ARL6IP5: variants seen among roughly 807,000 people sequenced by gnomAD.
ARL6IP5 encodes the protein ARF like GTPase 6 interacting protein 5.
A neutral mutation model predicts 13.0 loss-of-function variants in ARL6IP5; 6 were observed. The observed-to-expected ratio is 0.46, with a 90% CI of 0.25 to 0.91. The LOEUF is 0.91. Among genes scored for constraint, ARL6IP5 ranks in the 40% least tolerant of loss-of-function variants. The pLI is 0.17. For missense variants in ARL6IP5, 208 were observed against 248.8 expected (o/e 0.84, Z 1.10); for synonymous variants, 91 against 91.9 (o/e 0.99, Z 0.06).
chr3:69,088,515 G>C (rs553381231), intron 1 of ARL6IP5, among the ~76,000 whole-genome samples: 4 of 152,186 alleles, frequency 2.6e-5, no homozygotes, highest in Admixed American at 1.3e-4. Flanking sequence ...ATTTCAGGAA[G>C]GGTGAGGGAA....
At chr3:69,096,597 CTTTTTTTTTTTT>C (rs11291168) in intron 1 of ARL6IP5, among the ~76,000 whole-genome samples, 5 of 69,556 alleles carry the variant, frequency 7.2e-5, no homozygotes, top group Non-Finnish European at 1.3e-4. Context: ...TTTTGCTTTG[CTTTTTTTTTTTT>C]TTTTTTTTTT....
intron 1 of ARL6IP5, among the ~76,000 whole-genome samples, chr3:69,093,122 C>T (rs777905232): frequency 6.6e-6 from 1 of 152,066 alleles, no homozygotes; most frequent in Non-Finnish European, 1.5e-5. Context: ...GTTTCTAATC[C>T]GAGTCCAACC....
At chr3:69,096,861 C>G (rs1320825920) in intron 1 of ARL6IP5, among the ~76,000 whole-genome samples, 1 of 152,008 alleles carries the variant, frequency 6.6e-6, no homozygotes, top group Non-Finnish European at 1.5e-5. Context: ...CTCAGCCTCC[C>G]AAAGTGCTGG....
At chr3:69,092,625 A>T (rs1050727141) in intron 1 of ARL6IP5, among the ~76,000 whole-genome samples, 3 of 152,012 alleles carry the variant, frequency 2.0e-5, no homozygotes, top group Admixed American at 6.5e-5. Flanking sequence ...ACGCACAACT[A>T]TGCCTGGCTA....
intron 1 of ARL6IP5, among the ~76,000 whole-genome samples, chr3:69,096,027 G>A (rs2092285883): frequency 6.6e-6 from 1 of 152,148 alleles, no homozygotes; most frequent in Admixed American, 6.5e-5. Flanking sequence ...GGGTGTGTGT[G>A]TGTGTGTCTG....
At chr3:69,101,473 C>T (rs1424582167) in intron 1 of ARL6IP5, among the ~76,000 whole-genome samples, 1 of 151,778 alleles carries the variant, frequency 6.6e-6, no homozygotes, top group African/African-American at 2.4e-5. Context: ...CAGGTGTGTG[C>T]CACCACACCT....
chr3:69,087,560 G>C (rs777813889), intron 1 of ARL6IP5, among the ~76,000 whole-genome samples: 8 of 152,058 alleles, frequency 5.3e-5, no homozygotes, highest in Non-Finnish European at 8.8e-5. Context: ...TGCTGCTTTT[G>C]ATAGAATCCA....
intron 1 of ARL6IP5, among the ~76,000 whole-genome samples, chr3:69,101,553 T>C (rs760449604): frequency 8.6e-5 from 13 of 151,972 alleles, no homozygotes; most frequent in Non-Finnish European, 1.5e-4. Context: ...ACCCCTGGGC[T>C]CAAGTGATCC....
chr3:69,090,189 C>G (rs955427558), intron 1 of ARL6IP5, among the ~76,000 whole-genome samples: 1 of 152,168 alleles, frequency 6.6e-6, no homozygotes, highest in Non-Finnish European at 1.5e-5. Context: ...CTGGGAGGCT[C>G]TGGATCAGAA....
intron 1 of ARL6IP5, 40 bp downstream of exon 1, chr3:69,085,263 G>A (rs769999590): frequency 3.1e-5 from 49 of 1,584,516 alleles, no homozygotes; most frequent in Non-Finnish European, 4.0e-5. Context: ...GATCCGGGGC[G>A]AGCACGGAGG....
chr3:69,104,335 A>G, intron 2 of ARL6IP5, 129 bp from the exon 3 acceptor site: 15 of 903,056 alleles, frequency 1.7e-5, no homozygotes, highest in Non-Finnish European at 2.5e-5. Flanking sequence ...GCTTGCATCA[A>G]TTCGAGAAGC....
chr3:69,105,893 G>T lies in ARL6IP5; in HGVS notation c.*1257G>T, dbSNP rs920190293. The T allele has an allele frequency of 2.0e-5, 3 of 152,128 alleles. No individual in the cohort carries two copies. Among genetic ancestry groups the T allele is most frequent in the African/African-American group, 4.8e-5 (2 of 41,442 alleles). 9.4% of individuals were successfully genotyped at this position (152,128 alleles called of 1,614,324 possible). A position where few individuals can be genotyped will look rare whatever the true frequency, so the allele number is the denominator to read the frequency against. On this transcript the variant is annotated 3_prime_UTR_variant, in exon 3 of 3. Coordinates refer to ENST00000273258, the MANE Select transcript of ARL6IP5 (RefSeq NM_006407.4). ...GTGGTACTTACTGAAGAAACTCTCT[G>T]TATGTCCTAGAATAAGAAGCAATGA...
At chr3:69,090,978 C>T (rs1322661871) in intron 1 of ARL6IP5, among the ~76,000 whole-genome samples, 2 of 152,162 alleles carry the variant, frequency 1.3e-5, no homozygotes, top group African/African-American at 4.8e-5. Context: ...GGGTAGATCA[C>T]CTAAGCTCAG....
intron 1 of ARL6IP5, among the ~76,000 whole-genome samples, chr3:69,095,156 G>T (rs1406975664): frequency 6.6e-6 from 1 of 152,030 alleles, no homozygotes; most frequent in Non-Finnish European, 1.5e-5. Context: ...TTTCTCTCCT[G>T]GATCCCTTTG....
At chr3:69,093,082 T>C (rs549373475) in intron 1 of ARL6IP5, among the ~76,000 whole-genome samples, 2 of 152,296 alleles carry the variant, frequency 1.3e-5, no homozygotes, top group South Asian at 4.1e-4. Context: ...TATTTGAAGC[T>C]CCGTCACTGT....
chr3:69,103,571 T>A (rs1253977117), intron 2 of ARL6IP5, among the ~76,000 whole-genome samples: 1 of 152,172 alleles, frequency 6.6e-6, no homozygotes, highest in Non-Finnish European at 1.5e-5. Context: ...GTGGTCTAGG[T>A]TGAGATCCTC....
chr3:69,094,767 T>G (rs968821651), intron 1 of ARL6IP5, among the ~76,000 whole-genome samples: 2 of 152,248 alleles, frequency 1.3e-5, no homozygotes, highest in Admixed American at 1.3e-4. Context: ...AAACTTTTAT[T>G]GCCAACTTTG....
intron 2 of ARL6IP5, among the ~76,000 whole-genome samples, chr3:69,102,720 G>A (rs1353736865): frequency 6.6e-6 from 1 of 152,184 alleles, no homozygotes; most frequent in Non-Finnish European, 1.5e-5. Context: ...TCCTGACACA[G>A]GAATGAATGT....
intron 1 of ARL6IP5, among the ~76,000 whole-genome samples, chr3:69,096,597 C>CTTTTTT (rs11291168): frequency 1.6e-3 from 113 of 69,578 alleles, no homozygotes; most frequent in Non-Finnish European, 2.2e-3. Context: ...TTTTGCTTTG[C>CTTTTTT]TTTTTTTTTT....
Sources: gnomAD v4.1 joint callset for allele counts (sites outside exome capture counted in the v4.1 genomes callset) on GRCh38, gnomAD v4.1.1 for gene constraint, MANE v1.5 for transcripts, NCBI Gene and HGNC (gene_info 2026-07-23, HGNC 2026-07-21) for gene names.